The following EXOC4 variants were observed in gnomAD, a reference collection of about 807,000 sequenced individuals.
EXOC4 encodes exocyst complex component 4.
Under a neutral mutation model 107.2 loss-of-function variants are expected in EXOC4, and 71 were observed. That is an observed-to-expected ratio of 0.66 (90% CI 0.55 to 0.81). The LOEUF (loss-of-function observed/expected upper bound fraction) is 0.81, where lower values mean the gene tolerates loss of function less well. Among genes scored for constraint, EXOC4 ranks in the 30% least tolerant of loss-of-function variants. The pLI is 0.00. For synonymous variants in EXOC4, 456 were observed against 441.2 expected (o/e 1.03, Z -0.42); for missense variants, 1,108 against 1,189.6 (o/e 0.93, Z 1.01).
chr7:134,012,519 G>A (rs1794794732), intron 17 of EXOC4, among the ~76,000 whole-genome samples: 1 of 152,198 alleles, frequency 6.6e-6, no homozygotes, highest in African/African-American at 2.4e-5. Flanking sequence ...GACCATAGGA[G>A]AGGCTATTGA....
intron 12 of EXOC4, among the ~76,000 whole-genome samples, chr7:133,906,397 G>C (rs370037690): frequency 1.3e-5 from 2 of 152,122 alleles, no homozygotes; most frequent in African/African-American, 2.4e-5. Context: ...CTTTAAACAC[G>C]GGGGCTTGCA....
intron 7 of EXOC4, among the ~76,000 whole-genome samples, chr7:133,389,570 CAAAAAAAAA>C (rs1202921998): frequency 6.1e-5 from 1 of 16,390 alleles, no homozygotes; most frequent in Non-Finnish European, 1.0e-4. Flanking sequence ...TGAAACTCCT[CAAAAAAAAA>C]AAAAAAAAAA....
chr7:133,698,530 C>T, intron 10 of EXOC4, among the ~76,000 whole-genome samples: 1 of 144,242 alleles, frequency 6.9e-6, no homozygotes, highest in Non-Finnish European at 1.5e-5. Flanking sequence ...TGCAGTGAGC[C>T]AAAATCACGC....
intron 6 of EXOC4, among the ~76,000 whole-genome samples, chr7:133,369,133 GCAGT>G (rs1584858575): frequency 1.3e-5 from 2 of 152,180 alleles, no homozygotes; most frequent in East Asian, 1.9e-4. Context: ...TGTGTTGTGG[GCAGT>G]CAGAGAGTGT....
chr7:134,011,462 C>T (rs1794760811), intron 17 of EXOC4, among the ~76,000 whole-genome samples: 1 of 152,056 alleles, frequency 6.6e-6, no homozygotes, highest in Admixed American at 6.6e-5. Context: ...TCCTGCTCTC[C>T]TCCTTCAAGG....
intron 12 of EXOC4, 110 bp downstream of exon 12, chr7:133,895,845 G>T: frequency 8.5e-7 from 1 of 1,175,206 alleles, no homozygotes; most frequent in East Asian, 2.4e-5. Context: ...CTCTGAGTTT[G>T]TCAAGAGATG....
At chr7:133,903,231 C>T (rs150952735) in intron 12 of EXOC4, among the ~76,000 whole-genome samples, 1 of 152,160 alleles carries the variant, frequency 6.6e-6, no homozygotes, top group Non-Finnish European at 1.5e-5. Flanking sequence ...GAGTACTACT[C>T]TGAGTGAAAT....
At chr7:133,503,745 C>G (rs1047231489) in intron 9 of EXOC4, among the ~76,000 whole-genome samples, 1 of 152,008 alleles carries the variant, frequency 6.6e-6, no homozygotes, top group African/African-American at 2.4e-5. Flanking sequence ...AATGTTCCTG[C>G]ATTTCCAGGT....
At chr7:133,970,656 C>T (rs1275009344) in intron 14 of EXOC4, among the ~76,000 whole-genome samples, 1 of 152,142 alleles carries the variant, frequency 6.6e-6, no homozygotes, top group Non-Finnish European at 1.5e-5. Context: ...TGCTTCTGCT[C>T]ACCCTCCGTG....
chr7:133,871,674 G>T (rs915385834), intron 11 of EXOC4, among the ~76,000 whole-genome samples: 2 of 151,918 alleles, frequency 1.3e-5, no homozygotes, highest in African/African-American at 4.8e-5. Flanking sequence ...CCTTCCTCCT[G>T]CTTCACATTC....
At chr7:133,375,694 T>C (rs1473889027) in intron 7 of EXOC4, among the ~76,000 whole-genome samples, 1 of 152,208 alleles carries the variant, frequency 6.6e-6, no homozygotes, top group African/African-American at 2.4e-5. Flanking sequence ...AGTCAACTTT[T>C]GCATATATTG....
At chr7:133,866,087 A>G (rs1016221883) in intron 11 of EXOC4, among the ~76,000 whole-genome samples, 1 of 152,240 alleles carries the variant, frequency 6.6e-6, no homozygotes, top group African/African-American at 2.4e-5. Flanking sequence ...ATGGGAAACT[A>G]TTAATAACTA....
intron 10 of EXOC4, among the ~76,000 whole-genome samples, chr7:133,654,293 T>C (rs1474338222): frequency 6.6e-6 from 1 of 152,118 alleles, no homozygotes; most frequent in Admixed American, 6.5e-5. Flanking sequence ...GGTTTTAGAG[T>C]CAAACTAATC....
chr7:133,702,643 G>C (rs781068674), intron 10 of EXOC4, among the ~76,000 whole-genome samples: 2 of 151,820 alleles, frequency 1.3e-5, no homozygotes, highest in South Asian at 2.1e-4. Context: ...TATTTATTTA[G>C]GTGAGAAGAA....
intron 11 of EXOC4, among the ~76,000 whole-genome samples, chr7:133,845,334 T>TGTGTGTG (rs757397253): frequency 1.6e-4 from 22 of 136,806 alleles, no homozygotes; most frequent in Non-Finnish European, 1.2e-4. Context: ...GGCAGGTTAG[T>TGTGTGTG]AGTGTGTGTG....
intron 4 of EXOC4, among the ~76,000 whole-genome samples, chr7:133,312,913 A>G (rs543926160): frequency 6.6e-6 from 1 of 152,188 alleles, no homozygotes; most frequent in African/African-American, 2.4e-5. Flanking sequence ...TTTAAAAATA[A>G]TTCTTTTATT....
intron 12 of EXOC4, among the ~76,000 whole-genome samples, chr7:133,914,053 G>C (rs1799752979): frequency 6.6e-6 from 1 of 152,176 alleles, no homozygotes; most frequent in African/African-American, 2.4e-5. Context: ...AAGTGCTCTT[G>C]GGTTGGTGGA....
intron 10 of EXOC4, among the ~76,000 whole-genome samples, chr7:133,710,608 C>G (rs1004651619): frequency 2.1e-5 from 3 of 144,920 alleles, no homozygotes; most frequent in Non-Finnish European, 4.5e-5. Flanking sequence ...TGCAGTGAGC[C>G]GAGATCCCGC....
intron 10 of EXOC4, among the ~76,000 whole-genome samples, chr7:133,649,467 C>CTT (rs61225754): frequency 0.15 from 12,847 of 85,186 alleles, 995 homozygotes; most frequent in Non-Finnish European, 0.21. Context: ...ACTACTTTTT[C>CTT]TTTTTTTTTT....
Sources: allele counts gnomAD v4.1 joint callset (sites outside exome capture counted in the v4.1 genomes callset), GRCh38; gene constraint gnomAD v4.1.1; transcripts MANE v1.5; gene names NCBI Gene and HGNC (gene_info 2026-07-23, HGNC 2026-07-21).